SMPDL3B: variants seen among roughly 807,000 people sequenced by gnomAD.
SMPDL3B encodes sphingomyelin phosphodiesterase acid like 3B, also known as acid sphingomyelinase-like phosphodiesterase 3b.
A neutral mutation model predicts 37.9 loss-of-function variants in SMPDL3B; 31 were observed. The ratio of observed to expected loss-of-function variants is 0.82; its 90% CI spans 0.61 to 1.10. SMPDL3B has a LOEUF of 1.10. SMPDL3B is among the 50% of genes least tolerant of loss of function. The pLI is 0.00. For synonymous variants in SMPDL3B, 235 were observed against 242.6 expected, an observed-to-expected ratio of 0.97 and a Z score of 0.29; for missense variants, 525 against 597.8, an observed-to-expected ratio of 0.88 and a Z score of 1.27.
chr1:27,959,109 C>G lies in SMPDL3B; in HGVS notation c.*271C>G. ...CCCCCCTACAAGCATACTTCTTTTG[C>G]GTATTATGTTTAACTCACAAAACAA... On this transcript the variant is annotated 3_prime_UTR_variant, in exon 8 of 8. Coordinates refer to ENST00000373894, the MANE Select transcript of SMPDL3B (RefSeq NM_014474.4). The G allele has an allele frequency of 2.2e-6, 1 of 459,884 alleles. No homozygotes were observed. The highest frequency in any genetic ancestry group is 4.0e-6 in the Non-Finnish European group (1 of 253,032). 28.5% of individuals were successfully genotyped at this position (459,884 alleles called of 1,614,324 possible).
intron 1 of SMPDL3B, chr1:27,938,934 G>T (rs536806780): frequency 6.6e-6 from 1 of 152,324 alleles, no homozygotes; most frequent in South Asian, 2.1e-4. Flanking sequence ...TTTGGGGGAC[G>T]TAGCCCCATT....
chr1:27,942,350 C>T (rs893587828), intron 1 of SMPDL3B: 10 of 471,022 alleles, frequency 2.1e-5, no homozygotes, highest in South Asian at 4.6e-5. Flanking sequence ...AGCCTGGCTC[C>T]GGGCTTGGAA....
At chr1:27,949,007 T>C (rs1023138043) in intron 2 of SMPDL3B, 58 bp from the exon 3 acceptor site, 1 of 1,612,314 alleles carries the variant, frequency 6.2e-7, no homozygotes, top group Non-Finnish European at 8.5e-7. Flanking sequence ...TGTCCCTTCC[T>C]TTTCTTCTGC....
At chr1:27,940,585 C>T (rs2090348988) in intron 1 of SMPDL3B, among the ~76,000 whole-genome samples, 1 of 152,110 alleles carries the variant, frequency 6.6e-6, no homozygotes, top group East Asian at 1.9e-4. Flanking sequence ...TGCAGTAGGA[C>T]TCCCTCCCAG....
At chr1:27,937,194 G>A (rs1428546693) in intron 1 of SMPDL3B, among the ~76,000 whole-genome samples, 6 of 152,230 alleles carry the variant, frequency 3.9e-5, no homozygotes, top group Non-Finnish European at 8.8e-5. Context: ...ACTTTCCTTA[G>A]CCAGGAGCTT....
Position 27,953,372 on chromosome 1 carries a change from C to T in SMPDL3B, c.517+14C>T, listed in dbSNP as rs2090471041. On this transcript the variant is annotated intron_variant, in intron 4 of 7. Transcript: ENST00000373894. ...TCTTCAAAAAAGGTACCAACACCAC[C>T]TGCTCCTATCAAGAGCACTTACTGT... 2 of 1,603,034 alleles carry T rather than the reference C, an allele frequency of 1.2e-6. No individual in the cohort carries two copies. The highest frequency in any genetic ancestry group is 1.7e-5 in the Admixed American group (1 of 57,898).
At chr1:27,941,535 A>G (rs890975435) in intron 1 of SMPDL3B, 2 of 152,308 alleles carry the variant, frequency 1.3e-5, no homozygotes, top group Admixed American at 1.3e-4. Flanking sequence ...CATGGAACTG[A>G]CATTGTAAAC....
chr1:27,956,426 C>A, intron 7 of SMPDL3B: 1 of 1,272,980 alleles, frequency 7.9e-7, no homozygotes, highest in South Asian at 1.9e-5. Context: ...TGCTCAAAAA[C>A]CTTCAGTGGC....
intron 1 of SMPDL3B, chr1:27,936,435 G>A (rs2090308517): frequency 6.6e-6 from 1 of 151,130 alleles, no homozygotes; most frequent in African/African-American, 2.4e-5. Context: ...CCTGGGTGAC[G>A]GGAATGAGAC....
chr1:27,957,148 A>G (rs1638312099), intron 7 of SMPDL3B, among the ~76,000 whole-genome samples: 1 of 152,078 alleles, frequency 6.6e-6, no homozygotes, highest in Admixed American at 6.5e-5. Flanking sequence ...TGGAATCATC[A>G]TGTCTGCTGT....
At position 27,945,155 on chromosome 1, in the gene SMPDL3B, C is replaced by A; in HGVS notation, c.62-77C>A. On this transcript the variant is annotated intron_variant, in intron 1 of 7. Transcript: ENST00000373894. This position sits in a 1 kb window ranked among gnomAD's most constrained non-coding sequence, Gnocchi z 4.0. ...CCTGTGTAACGCCCCTGCCCCAGCC[C>A]AGGGCTCCCCTGGACTTCCTTGCTT... 2 of 1,449,772 alleles carry A rather than the reference C, an allele frequency of 1.4e-6. No individual in the cohort carries two copies. Among genetic ancestry groups the A allele is most frequent in the Non-Finnish European group, 1.9e-6 (2 of 1,037,272 alleles). The allele number at this position is 1,449,772 out of a possible 1,614,324, so 89.8% of individuals were successfully genotyped here.
chr1:27,949,339 C>T (rs1400077922), intron 3 of SMPDL3B, among the ~76,000 whole-genome samples, 177 bp downstream of exon 3: 1 of 152,194 alleles, frequency 6.6e-6, no homozygotes, highest in Non-Finnish European at 1.5e-5. Context: ...CCGAAGGCAA[C>T]ATGCAAGCCC....
intron 2 of SMPDL3B, among the ~76,000 whole-genome samples, chr1:27,948,277 G>A (rs947837841): frequency 6.6e-6 from 1 of 152,204 alleles, no homozygotes; most frequent in Non-Finnish European, 1.5e-5. Context: ...AAAATTAGTG[G>A]CTGTGGCAAC....
intron 3 of SMPDL3B, among the ~76,000 whole-genome samples, chr1:27,952,603 G>A (rs933087392): frequency 2.0e-5 from 3 of 152,134 alleles, no homozygotes; most frequent in African/African-American, 7.2e-5. Flanking sequence ...CCTCAGGGAG[G>A]CCTCCCCAAA....
rs1038677956 is a variant in SMPDL3B, at chr1:27,958,745, C to T, written c.1275C>T (p.Tyr425=). 3.1e-6 allele frequency: 5 copies of T among 1,613,624 alleles called. No individual in the cohort carries two copies. The highest frequency in any genetic ancestry group is 1.1e-5 in the South Asian group (1 of 91,088). Residue 425 remains tyrosine, a synonymous_variant, in exon 8 of 8, where the codon TAC becomes TAT. Transcript: ENST00000373894. This position sits in a 1 kb window ranked among gnomAD's most constrained non-coding sequence, Gnocchi z 5.6. ...TGCGCCAGGTGGACATTGACGCTTA[C>T]ACCACCTGTCTGTATGCCTCTGGCA... ...CAMRQVDIDA[Y]TTCLYASGTT...
At chr1:27,954,978 CAA>C in intron 5 of SMPDL3B, among the ~76,000 whole-genome samples, 1 of 152,346 alleles carries the variant, frequency 6.6e-6, no homozygotes, top group Non-Finnish European at 1.5e-5. Context: ...CAGCCCATCC[CAA>C]GAGGATCTCA....
intron 3 of SMPDL3B, 112 bp from the exon 4 acceptor site, chr1:27,953,103 C>A: frequency 1.3e-6 from 1 of 749,410 alleles, no homozygotes; most frequent in Non-Finnish European, 2.2e-6. Context: ...TTTTCCTCAT[C>A]TGTGCTATCG....
At chr1:27,946,267 C>T (rs376657166) in intron 2 of SMPDL3B, among the ~76,000 whole-genome samples, 41 of 151,752 alleles carry the variant, frequency 2.7e-4, no homozygotes, top group African/African-American at 9.9e-4. Context: ...GCAGGAGAAT[C>T]GCTTGCATTT....
At chr1:27,938,603 A>T (rs1257079022) in intron 1 of SMPDL3B, among the ~76,000 whole-genome samples, 1 of 152,234 alleles carries the variant, frequency 6.6e-6, no homozygotes, top group Non-Finnish European at 1.5e-5. Flanking sequence ...TAAAAGTTTA[A>T]GGAGGCATAC....
Sources: allele counts gnomAD v4.1 joint callset (sites outside exome capture counted in the v4.1 genomes callset), GRCh38; gene constraint gnomAD v4.1.1; non-coding constraint Gnocchi (gnomAD v3.1); transcripts MANE v1.5; gene names NCBI Gene and HGNC (gene_info 2026-07-23, HGNC 2026-07-21).